The following ATXN7L1 variants were observed in gnomAD, a reference collection of about 807,000 sequenced individuals.
The protein encoded by ATXN7L1 is ataxin-7-like protein 1.
Under a neutral mutation model 70.8 loss-of-function variants are expected in ATXN7L1, and 15 were observed. The observed-to-expected ratio is 0.21, with a 90% CI of 0.14 to 0.33. ATXN7L1 has a LOEUF of 0.33. Ranked by LOEUF, ATXN7L1 falls within the 10% of genes least tolerant of loss-of-function variation. The pLI, the probability that ATXN7L1 is intolerant of heterozygous loss-of-function variation, is 1.00. For missense variants in ATXN7L1, 975 were observed against 1,097.1 expected (o/e 0.89, Z 1.57); for synonymous variants, 440 against 445.1 (o/e 0.99, Z 0.14).
chr7:105,854,543 A>ACC lies in ATXN7L1; in HGVS notation c.250+21268_250+21269insGG, dbSNP rs1815427856. ...ACCCTTATAGAGGAAAAAAAAAAAA[A>ACC]CACAAAACACAAAAACCCCATCATA... On this transcript the variant is annotated intron_variant, in intron 2 of 11. Coordinates refer to ENST00000419735, the MANE Select transcript of ATXN7L1 (RefSeq NM_020725.2). Among the ~76,000 whole-genome samples the ACC allele has an allele frequency of 4.7e-5, 6 of 128,330 alleles. No individual in the cohort carries two copies. The South Asian group carries it at 7.7e-4, about 17-fold the overall frequency. The allele number at this position is 128,330 out of a possible 152,430, so 84.2% of individuals were successfully genotyped here.
chr7:105,725,256 A>C (rs1795670791), intron 3 of ATXN7L1, among the ~76,000 whole-genome samples: 2 of 152,172 alleles, frequency 1.3e-5, no homozygotes, highest in Admixed American at 6.6e-5. Context: ...AAAACGAAAG[A>C]AATCACCTCT....
At chr7:105,674,843 AG>A (rs1268077855) in intron 3 of ATXN7L1, among the ~76,000 whole-genome samples, 6 of 152,212 alleles carry the variant, frequency 3.9e-5, no homozygotes, top group Admixed American at 3.9e-4. Flanking sequence ...GGGGAGTCCC[AG>A]GGGCTTTCCA....
intron 3 of ATXN7L1, among the ~76,000 whole-genome samples, chr7:105,669,036 A>G (rs1803105829): frequency 6.6e-6 from 1 of 152,108 alleles, no homozygotes; most frequent in Admixed American, 6.5e-5. Flanking sequence ...GTGAGCTACC[A>G]CATCTGGCCC....
Position 105,638,405 on chromosome 7 carries a change from G to C in ATXN7L1, c.1150C>G (p.Pro384Ala). 6.4e-7 allele frequency: 1 copy of C among 1,552,254 alleles called. No homozygotes were observed. Among genetic ancestry groups the C allele is most frequent in the African/African-American group, 1.4e-5 (1 of 73,158 alleles). Residue 384 changes from proline (P) to alanine (A), a missense_variant, in exon 7 of 12, where the codon CCA (proline) becomes GCA (alanine). Coordinates refer to ENST00000419735, the MANE Select transcript of ATXN7L1 (RefSeq NM_020725.2). ...GATTTTGCAGGGGATGCAACTTTTGGTTCTGGCCCAGAGCTCCCTGAAGAC... is the reference window on the plus strand; with the variant it reads ...GATTTTGCAGGGGATGCAACTTTTGCTTCTGGCCCAGAGCTCCCTGAAGAC... ...LGSSGSSGPEPKVASPAKSRP... is the reference protein window; with the variant it reads ...LGSSGSSGPEAKVASPAKSRP...
intron 2 of ATXN7L1, among the ~76,000 whole-genome samples, chr7:105,806,006 C>T (rs1807535142): frequency 2.0e-5 from 3 of 152,102 alleles, no homozygotes; most frequent in Admixed American, 6.6e-5. Context: ...GGTGAGAGGG[C>T]TGCTGCAGGG....
intron 3 of ATXN7L1, among the ~76,000 whole-genome samples, chr7:105,777,531 T>C (rs564115604): frequency 6.6e-6 from 1 of 152,344 alleles, no homozygotes; most frequent in African/African-American, 2.4e-5. Flanking sequence ...CTGGCCATTC[T>C]CCTTCAACCT....
In ATXN7L1 at chr7:105,614,766, A is replaced by G. The variant is rs1438366776; in HGVS notation, c.1568T>C (p.Ile523Thr). 2 of 1,551,524 alleles carry G rather than the reference A, an allele frequency of 1.3e-6. No individual in the cohort carries two copies. The highest frequency in any genetic ancestry group is 2.0e-5 in the Admixed American group (1 of 50,982). The change falls in exon 10 of 12, where the codon ATC becomes ACC. Residue 523 changes from isoleucine to threonine, a missense_variant. By Grantham distance (89) the Ile-to-Thr change is moderately conservative (BLOSUM62 -1). This residue lies in a region of ATXN7L1 where 635 missense variants were observed against 699.4 expected (regional missense o/e 0.91). Coordinates refer to ENST00000419735, the MANE Select transcript of ATXN7L1 (RefSeq NM_020725.2). This position sits in a 1 kb window ranked among gnomAD's most constrained non-coding sequence, Gnocchi z 4.3. ...DSPLPSPAAH[I>T]TTPVPASVLQ... Reference sequence around the variant, plus strand: ...AACGGATGCTGGAACGGGGGTGGTGATGTGGGCTGCTGGCGAGGGCAGGGG... The same window carrying G: ...AACGGATGCTGGAACGGGGGTGGTGGTGTGGGCTGCTGGCGAGGGCAGGGG...
At chr7:105,741,238 G>T (rs1040210147) in intron 3 of ATXN7L1, among the ~76,000 whole-genome samples, 1 of 152,164 alleles carries the variant, frequency 6.6e-6, no homozygotes, top group African/African-American at 2.4e-5. Flanking sequence ...AGCTCAGGGA[G>T]GGTCTTGTGT....
At chr7:105,722,772 C>T (rs1393922758) in intron 3 of ATXN7L1, among the ~76,000 whole-genome samples, 2 of 151,620 alleles carry the variant, frequency 1.3e-5, no homozygotes, top group East Asian at 1.9e-4. Flanking sequence ...GTAATCCCCA[C>T]TACTCGGGAG....
At position 105,619,311 on chromosome 7, in the gene ATXN7L1, C is replaced by T. The variant is rs541325167; in HGVS notation, c.1517+889G>A. ...TACAGGTGTGCGCCACCACACCCAG[C>T]TAATTTTTGTATTTTTAGTAGAGAC... is the stretch of plus-strand genomic sequence containing the variant. On this transcript the variant is annotated intron_variant, in intron 9 of 11. Transcript: ENST00000419735. Among the ~76,000 whole-genome samples the T allele has an allele frequency of 1.8e-3, 258 of 147,168 alleles. 1 individual carries two copies. The highest frequency in any genetic ancestry group is 3.5e-3 in the Middle Eastern group (1 of 282).
chr7:105,628,141 C>A (rs1041219447), intron 7 of ATXN7L1, among the ~76,000 whole-genome samples: 32 of 152,220 alleles, frequency 2.1e-4, no homozygotes, highest in African/African-American at 7.5e-4. Context: ...CTGTGCCCGG[C>A]CTGTCTTTAC....
intron 7 of ATXN7L1, among the ~76,000 whole-genome samples, chr7:105,626,642 C>A (rs2115826122): frequency 6.6e-6 from 1 of 152,284 alleles, no homozygotes; most frequent in African/African-American, 2.4e-5. Context: ...CCAAAGAACG[C>A]ATCTCTCCCG....
intron 2 of ATXN7L1, among the ~76,000 whole-genome samples, chr7:105,863,604 A>AC (rs1219044854): frequency 6.6e-6 from 1 of 152,184 alleles, no homozygotes; most frequent in Non-Finnish European, 1.5e-5. Flanking sequence ...ACATCAGGAC[A>AC]CAGTGCTTAG....
At chr7:105,619,203 A>T (rs1241545013) in intron 9 of ATXN7L1, among the ~76,000 whole-genome samples, 1 of 113,320 alleles carries the variant, frequency 8.8e-6, no homozygotes, top group Non-Finnish European at 1.6e-5. Flanking sequence ...GGTGGAGTGC[A>T]GTGGTATGAT....
At chr7:105,865,636 C>A (rs11983328) in intron 2 of ATXN7L1, among the ~76,000 whole-genome samples, 2,216 of 152,226 alleles carry the variant, frequency 0.015, 53 homozygotes, top group African/African-American at 0.051. Context: ...CTCCTGACCT[C>A]GTGATCTGCC....
intron 3 of ATXN7L1, among the ~76,000 whole-genome samples, chr7:105,722,547 T>TG (rs1795304296): frequency 1.0e-5 from 1 of 99,914 alleles, no homozygotes; most frequent in East Asian, 3.5e-4. Context: ...GGCAACAGAG[T>TG]GAGACTCTGC....
At chr7:105,859,115 C>T (rs535741663) in intron 2 of ATXN7L1, among the ~76,000 whole-genome samples, 2 of 151,990 alleles carry the variant, frequency 1.3e-5, no homozygotes, top group South Asian at 2.1e-4. Context: ...ATGGAATTAC[C>T]ATTAGTTTTC....
At chr7:105,751,505 G>A (rs372682754) in intron 3 of ATXN7L1, among the ~76,000 whole-genome samples, 4 of 152,208 alleles carry the variant, frequency 2.6e-5, no homozygotes, top group African/African-American at 9.6e-5. Context: ...GCATGGTGGT[G>A]CATGCCTGTA....
intron 6 of ATXN7L1, among the ~76,000 whole-genome samples, 165 bp from the exon 7 acceptor site, chr7:105,638,774 C>A (rs1797735079): frequency 6.6e-6 from 1 of 152,038 alleles, no homozygotes; most frequent in Admixed American, 6.6e-5. Flanking sequence ...AGGCAGAGAC[C>A]ACACGAACGC....
Sources: gnomAD v4.1 joint callset for allele counts (sites outside exome capture counted in the v4.1 genomes callset) on GRCh38, gnomAD v4.1.1 for gene constraint, gnomAD v4.1.1 regional missense constraint, Gnocchi (gnomAD v3.1) non-coding constraint, MANE v1.5 for transcripts, NCBI Gene and HGNC (gene_info 2026-07-23, HGNC 2026-07-21) for gene names.